DNM2: variants seen among roughly 807,000 people sequenced by gnomAD.
The protein encoded by DNM2 is dynamin 2, also known as dynamin-2.
Under a neutral mutation model 99.0 loss-of-function variants are expected in DNM2, and 15 were observed. The observed-to-expected ratio is 0.15, with a 90% CI of 0.10 to 0.23. DNM2 has a LOEUF of 0.23. DNM2 is among the 10% of genes least tolerant of loss of function. DNM2 has a pLI of 1.00. For missense variants in DNM2, 742 were observed against 1,189.4 expected, an observed-to-expected ratio of 0.62 and a Z score of 5.53; for synonymous variants, 525 against 481.2, an observed-to-expected ratio of 1.09 and a Z score of -1.19.
intron 1 of DNM2, among the ~76,000 whole-genome samples, chr19:10,728,289 G>A (rs1044587775): frequency 5.9e-5 from 9 of 152,212 alleles, no homozygotes; most frequent in Admixed American, 3.3e-4. Context: ...TAGCATCCCT[G>A]CTTTATAGGT....
At position 10,775,934 on chromosome 19, in the gene DNM2, C is replaced by A; in HGVS notation, c.589+28C>A. The A allele has an allele frequency of 6.2e-7, 1 of 1,604,962 alleles. No individual in the cohort carries two copies. The highest frequency in any genetic ancestry group is 1.1e-5 in the South Asian group (1 of 90,978). On this transcript the variant is annotated intron_variant, in intron 4 of 20. Transcript: ENST00000389253. This position sits in a 1 kb window ranked among gnomAD's most constrained non-coding sequence, Gnocchi z 4.3. ...AACCCTGAGCCTAGGGCAGTCCCCT[C>A]TTCCAGGTGCCTCTGAGCATGGGAT...
At position 10,820,529 on chromosome 19, in the gene DNM2, C is replaced by G. The variant is rs1209364156; in HGVS notation, c.1781+440C>G. Among the ~76,000 whole-genome samples the G allele has an allele frequency of 6.6e-6, 1 of 152,190 alleles. No individual in the cohort carries two copies. Among genetic ancestry groups the G allele is most frequent in the Non-Finnish European group, 1.5e-5 (1 of 68,040 alleles). ...GCAGATTCTGGGTAGAAGAGTCAGGCGGAGCCCTGGTGGGCATGGATATGA... is the reference window on the plus strand; with the variant it reads ...GCAGATTCTGGGTAGAAGAGTCAGGGGGAGCCCTGGTGGGCATGGATATGA... On this transcript the variant is annotated intron_variant, in intron 16 of 20. Transcript: ENST00000389253. This position sits in a 1 kb window ranked among gnomAD's most constrained non-coding sequence, Gnocchi z 4.3.
In DNM2 at chr19:10,777,164, G is replaced by T. The variant is rs542515194; in HGVS notation, c.636G>T (p.Glu212Asp). The T allele has an allele frequency of 6.2e-7, 1 of 1,614,104 alleles. No homozygotes were observed. The change falls in exon 5 of 21, where the codon GAG becomes GAT. Residue 212 changes from glutamate (E) to aspartate (D), a missense_variant. By Grantham distance (45) the Glu-to-Asp change is conservative (BLOSUM62 2). Coordinates refer to ENST00000389253, the MANE Select transcript of DNM2 (RefSeq NM_001005361.3). Reference protein sequence around the residue: ...GVITKLDLMDEGTDARDVLEN... With the variant: ...GVITKLDLMDDGTDARDVLEN... The stretch of plus-strand genomic sequence containing the variant: ...TCACCAAGCTTGACCTGATGGACGA[G>T]GGCACCGACGCCAGGGACGTCTTGG...
rs1409864320 is a variant in DNM2 at position 10,817,786 on chromosome 19, G to A, written c.1672-2194G>A. Among the ~76,000 whole-genome samples the A allele has an allele frequency of 7.5e-6, 1 of 132,674 alleles. No individual in the cohort carries two copies. Among genetic ancestry groups the A allele is most frequent in the Non-Finnish European group, 1.7e-5 (1 of 60,604 alleles). The allele number at this position is 132,674 out of a possible 152,430, so 87.0% of individuals were successfully genotyped here. On this transcript the variant is annotated intron_variant, in intron 15 of 20. Transcript: ENST00000389253. This position sits in a 1 kb window ranked among gnomAD's most constrained non-coding sequence, Gnocchi z 4.6. ...CTTTGGGGGTCGGGGGTGGGGAGGA[G>A]GGGCGCACACACACGTGTGTGTGTG...
chr19:10,746,254 C>T (rs1243595445), intron 1 of DNM2, among the ~76,000 whole-genome samples: 2 of 152,002 alleles, frequency 1.3e-5, no homozygotes, highest in African/African-American at 4.8e-5. Context: ...AGCTACCACG[C>T]CCGGCCTTTT....
intron 2 of DNM2, among the ~76,000 whole-genome samples, chr19:10,767,707 A>G (rs892342566): frequency 3.3e-5 from 5 of 152,092 alleles, no homozygotes; most frequent in Admixed American, 1.3e-4. Flanking sequence ...GGAGTTCGAG[A>G]CCAGCCTGGC....
chr19:10,760,321 A>G (rs1890510149), intron 2 of DNM2, among the ~76,000 whole-genome samples: 1 of 151,714 alleles, frequency 6.6e-6, no homozygotes, highest in African/African-American at 2.4e-5. Context: ...GATTACGGGC[A>G]TGAGCCACCA....
intron 8 of DNM2, among the ~76,000 whole-genome samples, chr19:10,794,251 A>G (rs1397460253): frequency 6.6e-6 from 1 of 152,100 alleles, no homozygotes; most frequent in African/African-American, 2.4e-5. Context: ...ATGAAACTGA[A>G]CATGGATGTC....
chr19:10,811,682 C>T lies in DNM2; in HGVS notation c.1558-582C>T. On this transcript the variant is annotated intron_variant, in intron 14 of 20. Transcript: ENST00000389253. This position sits in a 1 kb window ranked among gnomAD's most constrained non-coding sequence, Gnocchi z 5.4. Reference sequence around the variant, plus strand: ...GTTAGTTGTCAGGTGAGTCCCTGCGCAGGCCTGGGTTCTGACCCCCACGCA... The same window carrying T: ...GTTAGTTGTCAGGTGAGTCCCTGCGTAGGCCTGGGTTCTGACCCCCACGCA... 1 of 515,762 alleles carries T rather than the reference C, an allele frequency of 1.9e-6. No homozygotes were observed. The highest frequency in any genetic ancestry group is 3.9e-6 in the Non-Finnish European group (1 of 258,666). The allele number at this position is 515,762 out of a possible 1,614,324, so 31.9% of individuals were successfully genotyped here.
chr19:10,785,279 G>A (rs965710071), intron 6 of DNM2, among the ~76,000 whole-genome samples: 19 of 151,388 alleles, frequency 1.3e-4, no homozygotes, highest in Non-Finnish European at 2.2e-4. Context: ...CACCACACCC[G>A]GCTAATTTTT....
At chr19:10,815,422 T>C (rs2072703112) in intron 15 of DNM2, among the ~76,000 whole-genome samples, 1 of 152,150 alleles carries the variant, frequency 6.6e-6, no homozygotes, top group Admixed American at 6.5e-5. Context: ...GTGTCTCGTC[T>C]CCCCACCTAT....
At chr19:10,742,212 G>A (rs1243524586) in intron 1 of DNM2, among the ~76,000 whole-genome samples, 3 of 152,106 alleles carry the variant, frequency 2.0e-5, no homozygotes, top group Non-Finnish European at 2.9e-5. Context: ...TGCTCAGGGT[G>A]GATACCCTGC....
chr19:10,734,003 A>G (rs541917830), intron 1 of DNM2, among the ~76,000 whole-genome samples: 2 of 151,126 alleles, frequency 1.3e-5, no homozygotes, highest in African/African-American at 2.5e-5. Context: ...AGGAGACTCC[A>G]TCTCAAAAAA....
intron 7 of DNM2, among the ~76,000 whole-genome samples, chr19:10,789,847 GTAAA>G (rs897399667): frequency 6.6e-6 from 1 of 152,038 alleles, no homozygotes; most frequent in Non-Finnish European, 1.5e-5. Flanking sequence ...AAATAAATAA[GTAAA>G]TAAATAAATA....
intron 1 of DNM2, among the ~76,000 whole-genome samples, chr19:10,740,414 C>T (rs1275502069): frequency 6.7e-6 from 1 of 150,246 alleles, no homozygotes; most frequent in Non-Finnish European, 1.5e-5. Context: ...CTCGCTCTGT[C>T]GCCCAGGCTG....
intron 17 of DNM2, chr19:10,824,562 T>G (rs570240962): frequency 4.8e-6 from 1 of 206,444 alleles, no homozygotes; most frequent in African/African-American, 2.3e-5. Flanking sequence ...TCCCAACACT[T>G]TGGGAGGCAA....
chr19:10,819,239 C>T (rs1327149458), intron 15 of DNM2, among the ~76,000 whole-genome samples: 3 of 151,982 alleles, frequency 2.0e-5, no homozygotes, highest in Non-Finnish European at 2.9e-5. Context: ...TAGCGAGACC[C>T]CATCTCTATT....
chr19:10,808,216 C>T (rs367951068), intron 13 of DNM2, among the ~76,000 whole-genome samples: 25 of 152,082 alleles, frequency 1.6e-4, no homozygotes, highest in African/African-American at 5.8e-4. Context: ...CCTCCCTTCT[C>T]CCCATTGGGC....
intron 16 of DNM2, among the ~76,000 whole-genome samples, chr19:10,823,018 T>TC (rs2073029435): frequency 6.6e-6 from 1 of 151,712 alleles, no homozygotes; most frequent in African/African-American, 2.4e-5. Context: ...GGCAGGAGAA[T>TC]GGTGTGAACC....
Sources: gnomAD v4.1 joint callset for allele counts (sites outside exome capture counted in the v4.1 genomes callset) on GRCh38, gnomAD v4.1.1 for gene constraint, Gnocchi (gnomAD v3.1) non-coding constraint, MANE v1.5 for transcripts, NCBI Gene and HGNC (gene_info 2026-07-23, HGNC 2026-07-21) for gene names.